Variants in GLI3 observed in about 807,000 individuals in gnomAD.
The protein encoded by GLI3 is GLI family zinc finger 3.
In GLI3, 20 loss-of-function variants were observed where a neutral mutation model predicts 100.8. The observed-to-expected ratio is 0.20, with a 90% CI of 0.14 to 0.29. The LOEUF (loss-of-function observed/expected upper bound fraction) is 0.29, where lower values mean the gene tolerates loss of function less well. Ranked by LOEUF, GLI3 falls within the 10% of genes least tolerant of loss-of-function variation. The pLI is 1.00. For synonymous variants in GLI3, 938 were observed against 860.5 expected (o/e 1.09, Z -1.58); for missense variants, 2,040 against 2,128.5 (o/e 0.96, Z 0.82).
intron 4 of GLI3, among the ~76,000 whole-genome samples, chr7:42,056,794 T>G (rs996108482): frequency 6.7e-6 from 1 of 149,566 alleles, no homozygotes; most frequent in Non-Finnish European, 1.5e-5. Context: ...CTACTAAAAA[T>G]ACAAAAATAA....
chr7:42,165,141 G>C (rs1289763286), intron 2 of GLI3, among the ~76,000 whole-genome samples: 2 of 149,704 alleles, frequency 1.3e-5, no homozygotes, highest in African/African-American at 2.5e-5. Flanking sequence ...CAGGCGTGGA[G>C]ATTGCAGTGA....
chr7:42,125,399 G>C (rs2128773583), intron 3 of GLI3, among the ~76,000 whole-genome samples: 1 of 152,298 alleles, frequency 6.6e-6, no homozygotes, highest in East Asian at 1.9e-4. Context: ...GCTCCCCCAA[G>C]TCTTGCTAGC....
At chr7:42,156,952 G>A (rs74818376) in intron 2 of GLI3, among the ~76,000 whole-genome samples, 2,289 of 152,296 alleles carry the variant, frequency 0.015, 68 homozygotes, top group African/African-American at 0.053. Context: ...AGAAGATCAC[G>A]GAATGAGAAA....
At chr7:42,182,664 A>ATATATATACATGTGTGTG (rs1554337050) in intron 2 of GLI3, among the ~76,000 whole-genome samples, 2 of 78,324 alleles carry the variant, frequency 2.6e-5, no homozygotes, top group African/African-American at 6.4e-5. Context: ...ATATATATAT[A>ATATATATACATGTGTGTG]TATATATATA....
chr7:42,134,878 A>G (rs1786387818), intron 3 of GLI3, among the ~76,000 whole-genome samples: 1 of 152,110 alleles, frequency 6.6e-6, no homozygotes, highest in African/African-American at 2.4e-5. Flanking sequence ...AAAAGCTGGA[A>G]CGGATCAAGC....
At chr7:42,091,731 T>C (rs1785224076) in intron 3 of GLI3, among the ~76,000 whole-genome samples, 1 of 152,222 alleles carries the variant, frequency 6.6e-6, no homozygotes, top group Non-Finnish European at 1.5e-5. Flanking sequence ...AGCCCCAGAC[T>C]GGGCTGCAGC....
intron 1 of GLI3, among the ~76,000 whole-genome samples, chr7:42,257,441 T>C (rs905947001): frequency 6.7e-6 from 1 of 148,728 alleles, no homozygotes; most frequent in African/African-American, 2.5e-5. Flanking sequence ...GCCTCCCGGG[T>C]TCATGCCATT....
At chr7:42,158,662 T>A (rs1314148621) in intron 2 of GLI3, among the ~76,000 whole-genome samples, 3 of 152,052 alleles carry the variant, frequency 2.0e-5, no homozygotes, top group African/African-American at 7.2e-5. Context: ...AGCTAATTTT[T>A]GTATTTTTAG....
At chr7:42,066,991 G>A (rs945772024) in intron 4 of GLI3, among the ~76,000 whole-genome samples, 1 of 152,160 alleles carries the variant, frequency 6.6e-6, no homozygotes, top group Non-Finnish European at 1.5e-5. Context: ...AGACAGAAGT[G>A]AGTGCTGTAC....
At chr7:42,192,754 T>C (rs1787852127) in intron 2 of GLI3, among the ~76,000 whole-genome samples, 1 of 152,252 alleles carries the variant, frequency 6.6e-6, no homozygotes, top group Non-Finnish European at 1.5e-5. Flanking sequence ...GAAGGCCTCC[T>C]AATCTCTGCT....
At chr7:41,984,042 A>T (rs980910191) in intron 10 of GLI3, among the ~76,000 whole-genome samples, 9 of 152,234 alleles carry the variant, frequency 5.9e-5, no homozygotes, top group African/African-American at 2.2e-4. Flanking sequence ...GAGAAATCAC[A>T]AGCTGGTTTA....
chr7:42,236,582 C>G (rs930125947), intron 1 of GLI3, among the ~76,000 whole-genome samples: 1 of 152,162 alleles, frequency 6.6e-6, no homozygotes, highest in African/African-American at 2.4e-5. Flanking sequence ...GAAGCCCGAG[C>G]CGTAGAGCGC....
chr7:42,121,296 TAAGACAGAG>T (rs891609418), intron 3 of GLI3, among the ~76,000 whole-genome samples: 1 of 152,220 alleles, frequency 6.6e-6, no homozygotes, highest in Non-Finnish European at 1.5e-5. Context: ...TCTGATTCAG[TAAGACAGAG>T]AAGGTGCACA....
intron 1 of GLI3, among the ~76,000 whole-genome samples, chr7:42,257,061 T>A (rs1789092099): frequency 6.6e-6 from 1 of 152,156 alleles, no homozygotes; most frequent in Non-Finnish European, 1.5e-5. Flanking sequence ...TTTTAAACTT[T>A]ATTTTAAGAT....
intron 12 of GLI3, among the ~76,000 whole-genome samples, chr7:41,976,483 C>A (rs1257142158): frequency 1.3e-5 from 2 of 152,156 alleles, no homozygotes; most frequent in African/African-American, 4.8e-5. Flanking sequence ...CACCTTAAAG[C>A]CAAAAGTCCA....
rs1784957095 is a variant in GLI3 at position 42,079,576 on chromosome 7, C to G, written c.368-2719G>C. Reference sequence around the variant, plus strand: ...ACACATCATCTGCTCTTGGCAATCACAGAAATAAACTTACTAGAACAGGGT... The same window carrying G: ...ACACATCATCTGCTCTTGGCAATCAGAGAAATAAACTTACTAGAACAGGGT... On this transcript the variant is annotated intron_variant, in intron 3 of 14. Transcript: ENST00000395925. 2.6e-5 allele frequency among the ~76,000 whole-genome samples: 4 copies of G among 152,348 alleles called. No homozygotes were observed. The South Asian group carries it at 6.2e-4, about 24-fold the overall frequency.
At chr7:42,068,129 C>T (rs1178872293) in intron 4 of GLI3, among the ~76,000 whole-genome samples, 1 of 152,248 alleles carries the variant, frequency 6.6e-6, no homozygotes, top group African/African-American at 2.4e-5. Flanking sequence ...TTCCTGCACA[C>T]GTGTGTAGAC....
At chr7:42,162,965 CTTTTTTT>C (rs58993499) in intron 2 of GLI3, among the ~76,000 whole-genome samples, 4 of 95,596 alleles carry the variant, frequency 4.2e-5, no homozygotes, top group Admixed American at 1.2e-4. Flanking sequence ...GAATAAACAC[CTTTTTTT>C]TTTTTTTTTT....
At chr7:42,104,777 G>T (rs532390521) in intron 3 of GLI3, among the ~76,000 whole-genome samples, 21 of 152,220 alleles carry the variant, frequency 1.4e-4, no homozygotes, top group Admixed American at 5.2e-4. Flanking sequence ...TATGAATGGG[G>T]TTCCTTTTAA....
Sources: gnomAD v4.1 joint callset for allele counts (sites outside exome capture counted in the v4.1 genomes callset) on GRCh38, gnomAD v4.1.1 for gene constraint, MANE v1.5 for transcripts, NCBI Gene and HGNC (gene_info 2026-07-23, HGNC 2026-07-21) for gene names.